The following LPAR3 variants were observed in gnomAD, a reference collection of about 807,000 sequenced individuals.
LPAR3 encodes LPA receptor 3.
Under a neutral mutation model 17.8 loss-of-function variants are expected in LPAR3, and 7 were observed. That is an observed-to-expected ratio of 0.39 (90% CI 0.22 to 0.74). The LOEUF is 0.74. Among genes scored for constraint, LPAR3 ranks in the 30% least tolerant of loss-of-function variants. LPAR3 has a pLI of 0.40. For synonymous variants in LPAR3, 179 were observed against 179.9 expected (o/e 0.99, Z 0.04); for missense variants, 391 against 453.4 (o/e 0.86, Z 1.25).
At chr1:84,849,372 CAAAA>C (rs34239236) in intron 2 of LPAR3, among the ~76,000 whole-genome samples, 10 of 77,542 alleles carry the variant, frequency 1.3e-4, no homozygotes, top group African/African-American at 4.8e-4. Flanking sequence ...AGACTCATCT[CAAAA>C]AAAAAAAAAA....
At chr1:84,831,831 C>CTAT (rs138322123) in intron 2 of LPAR3, among the ~76,000 whole-genome samples, 1 of 146,748 alleles carries the variant, frequency 6.8e-6, no homozygotes, top group East Asian at 2.0e-4. Flanking sequence ...TAAACTGTAT[C>CTAT]ATATATATAT....
rs545791325 is a variant in LPAR3, at chr1:84,893,195, C to T, written c.-198G>A. 3 of 152,286 alleles carry T rather than the reference C, an allele frequency of 2.0e-5. No individual in the cohort carries two copies. The highest frequency in any genetic ancestry group is 2.0e-4 in the Admixed American group (3 of 15,296). 9.4% of individuals were successfully genotyped at this position (152,286 alleles called of 1,614,324 possible). A position where few individuals can be genotyped will look rare whatever the true frequency, so the allele number is the denominator to read the frequency against. Reference sequence around the variant, plus strand: ...TCTCCAGCGACCCCTGCGACGCGTCCAGAGCCAAAGGAAAGTTTGGCGGTG... The same window carrying T: ...TCTCCAGCGACCCCTGCGACGCGTCTAGAGCCAAAGGAAAGTTTGGCGGTG... On this transcript the variant is annotated 5_prime_UTR_variant, in exon 1 of 3. Transcript: ENST00000370611.
intron 1 of LPAR3, among the ~76,000 whole-genome samples, chr1:84,869,648 G>A (rs962284912): frequency 1.3e-5 from 2 of 152,130 alleles, no homozygotes; most frequent in Admixed American, 1.3e-4. Context: ...GTGGAACTGT[G>A]AGTCATTTTT....
At chr1:84,842,385 C>T (rs1659519920) in intron 2 of LPAR3, among the ~76,000 whole-genome samples, 1 of 152,164 alleles carries the variant, frequency 6.6e-6, no homozygotes, top group Admixed American at 6.5e-5. Context: ...TGGTCAAAAG[C>T]CAAAAGGTTT....
At chr1:84,826,213 A>G (rs1363916454) in intron 2 of LPAR3, among the ~76,000 whole-genome samples, 1 of 151,502 alleles carries the variant, frequency 6.6e-6, no homozygotes, top group Non-Finnish European at 1.5e-5. Context: ...CTATATCTTA[A>G]AAAAAGAATA....
At chr1:84,885,725 C>T (rs895481703) in intron 1 of LPAR3, among the ~76,000 whole-genome samples, 3 of 152,166 alleles carry the variant, frequency 2.0e-5, no homozygotes, top group African/African-American at 7.2e-5. Flanking sequence ...GCAGGCCTGG[C>T]AGCCGAGGAC....
intron 2 of LPAR3, among the ~76,000 whole-genome samples, chr1:84,825,598 C>T (rs2102747106): frequency 6.6e-6 from 1 of 152,332 alleles, no homozygotes; most frequent in Admixed American, 6.5e-5. Context: ...TCCGCTCCTT[C>T]TCCAGGTCTC....
At chr1:84,872,775 G>C (rs151144718) in intron 1 of LPAR3, among the ~76,000 whole-genome samples, 1 of 152,150 alleles carries the variant, frequency 6.6e-6, no homozygotes, top group Non-Finnish European at 1.5e-5. Flanking sequence ...GAAATGGGGC[G>C]GGCGGTGGGG....
intron 1 of LPAR3, among the ~76,000 whole-genome samples, chr1:84,873,406 G>A (rs890247779): frequency 6.6e-6 from 1 of 152,234 alleles, no homozygotes; most frequent in East Asian, 1.9e-4. Context: ...TTTTAAAGAG[G>A]AGGCATGTTG....
At chr1:84,875,397 G>A (rs1000685909) in intron 1 of LPAR3, among the ~76,000 whole-genome samples, 1 of 152,228 alleles carries the variant, frequency 6.6e-6, no homozygotes, top group Non-Finnish European at 1.5e-5. Flanking sequence ...GCAGTGCTGA[G>A]AGGTAGGACT....
intron 1 of LPAR3, among the ~76,000 whole-genome samples, chr1:84,892,057 C>CA (rs1311183719): frequency 2.1e-4 from 32 of 151,692 alleles, no homozygotes; most frequent in Admixed American, 2.6e-4. Context: ...ACTAAAAATA[C>CA]AAAAAATTAG....
At chr1:84,892,855 GGGGTTTGGAGT>G (rs1040719621) in intron 1 of LPAR3, among the ~76,000 whole-genome samples, 150 bp downstream of exon 1, 11 of 152,178 alleles carry the variant, frequency 7.2e-5, no homozygotes, top group Non-Finnish European at 1.3e-4. Context: ...GTCTTGTCCC[GGGGTTTGGAGT>G]GGGTCTGGAG....
chr1:84,851,381 A>G (rs1659708987), intron 2 of LPAR3, among the ~76,000 whole-genome samples: 1 of 150,856 alleles, frequency 6.6e-6, no homozygotes, highest in South Asian at 2.1e-4. Context: ...CCCAATAAGC[A>G]TGTTTGTTGG....
intron 2 of LPAR3, among the ~76,000 whole-genome samples, chr1:84,861,193 A>T (rs1243814309): frequency 6.6e-6 from 1 of 152,224 alleles, no homozygotes; most frequent in Admixed American, 6.5e-5. Context: ...CAGTGATTAG[A>T]TGATGGTTAA....
At chr1:84,847,525 T>C (rs1046295392) in intron 2 of LPAR3, among the ~76,000 whole-genome samples, 3 of 152,204 alleles carry the variant, frequency 2.0e-5, no homozygotes, top group African/African-American at 4.8e-5. Context: ...CTGGAGCCAG[T>C]TGGAGTCCAT....
chr1:84,849,232 G>A lies in LPAR3; in HGVS notation c.736+16153C>T, dbSNP rs1030631173. On this transcript the variant is annotated intron_variant, in intron 2 of 2. Transcript: ENST00000370611. ...TCTACTAAAAATACAAAAATTAGCC[G>A]GGCGTGGTGGTGGGCACCTGTAGTC... Among the ~76,000 whole-genome samples the A allele has an allele frequency of 7.2e-5, 11 of 151,824 alleles. No homozygotes were observed. The South Asian group carries it at 8.3e-4, about 12-fold the overall frequency.
rs199623252 is a variant in LPAR3 at position 84,865,715 on chromosome 1, C to T, written c.406G>A (p.Val136Ile). The stretch of plus-strand genomic sequence containing the variant: ...CTCTTTTTGGTCAGGTTGCTATGGA[C>T]CCGCATCCTCATGATTGACATGTGC... ...ERHMSIMRMR[V>I]HSNLTKKRVT... Residue 136 changes from valine to isoleucine, a missense_variant, in exon 2 of 3, where the codon GTC becomes ATC. Physicochemically the swap from Val to Ile is conservative, Grantham distance 29. Transcript: ENST00000370611. The T allele has an allele frequency of 1.1e-5, 17 of 1,614,040 alleles. No individual in the cohort carries two copies. Among genetic ancestry groups the T allele is most frequent in the African/African-American group, 1.3e-5 (1 of 74,910 alleles).
intron 2 of LPAR3, among the ~76,000 whole-genome samples, chr1:84,842,471 C>G (rs188752786): frequency 4.6e-5 from 7 of 152,292 alleles, no homozygotes; most frequent in Admixed American, 4.6e-4. Flanking sequence ...GAGCAGAAAT[C>G]ATTTTCCTTA....
chr1:84,878,640 C>A (rs1291621959), intron 1 of LPAR3, among the ~76,000 whole-genome samples: 1 of 152,136 alleles, frequency 6.6e-6, no homozygotes, highest in Non-Finnish European at 1.5e-5. Flanking sequence ...TTCAATCTAC[C>A]TCAGCTCAGC....
Sources: gnomAD v4.1 joint callset for allele counts (sites outside exome capture counted in the v4.1 genomes callset) on GRCh38, gnomAD v4.1.1 for gene constraint, MANE v1.5 for transcripts, NCBI Gene and HGNC (gene_info 2026-07-23, HGNC 2026-07-21) for gene names.